The following TMEM45A variants were observed in gnomAD, a reference collection of about 807,000 sequenced individuals.
TMEM45A encodes the protein transmembrane protein 45A.
Under a neutral mutation model 32.0 loss-of-function variants are expected in TMEM45A, and 25 were observed. The observed-to-expected ratio is 0.78, with a 90% CI of 0.57 to 1.09. TMEM45A has a LOEUF of 1.09. TMEM45A is among the 50% of genes least tolerant of loss of function. TMEM45A has a pLI of 0.00. For missense variants in TMEM45A, 302 were observed against 325.0 expected (o/e 0.93, Z 0.54); for synonymous variants, 122 against 114.8 (o/e 1.06, Z -0.40).
At chr3:100,544,449 AATT>A (rs1705946143) in intron 1 of TMEM45A, among the ~76,000 whole-genome samples, 2 of 152,160 alleles carry the variant, frequency 1.3e-5, no homozygotes, top group African/African-American at 4.8e-5. Context: ...ATGGTTGTCT[AATT>A]ATTGTCACGA....
chr3:100,527,149 A>G (rs931872269), intron 1 of TMEM45A, among the ~76,000 whole-genome samples: 7 of 152,200 alleles, frequency 4.6e-5, no homozygotes, highest in African/African-American at 1.7e-4. Context: ...TTAGTCAACA[A>G]GAGAGGACTA....
chr3:100,523,453 C>T (rs1705475194), intron 1 of TMEM45A, among the ~76,000 whole-genome samples: 2 of 152,204 alleles, frequency 1.3e-5, no homozygotes, highest in South Asian at 4.1e-4. Flanking sequence ...AAGTCATAGT[C>T]TCTGCCTTTC....
At chr3:100,555,184 T>C (rs375776647) in intron 1 of TMEM45A, 25 bp from the exon 2 acceptor site, 57 of 1,570,582 alleles carry the variant, frequency 3.6e-5, no homozygotes, top group Non-Finnish European at 4.7e-5. Flanking sequence ...TGTCTTTTAC[T>C]TTCTGTGTGT....
At position 100,511,540 on chromosome 3, in the gene TMEM45A, C is replaced by T. The variant is rs1383915067; in HGVS notation, c.-4+18612C>T. On this transcript the variant is annotated intron_variant, in intron 1 of 5. Coordinates refer to ENST00000323523, the MANE Select transcript of TMEM45A (RefSeq NM_018004.3). ...AATCATGCCAAAATGTAAAGACCAA[C>T]GAGACTAGGAAGAAACTGCATGAAC... Among the ~76,000 whole-genome samples the T allele has an allele frequency of 4.6e-5, 7 of 152,120 alleles. No homozygotes were observed. In the South Asian group the frequency reaches 6.2e-4, roughly 14 times the overall value.
At chr3:100,511,218 A>G (rs1207254589) in intron 1 of TMEM45A, among the ~76,000 whole-genome samples, 1 of 152,218 alleles carries the variant, frequency 6.6e-6, no homozygotes, top group African/African-American at 2.4e-5. Context: ...AAGGGCAGCC[A>G]GAGAGAAAGG....
rs1190438042 is a variant in TMEM45A at position 100,539,462 on chromosome 3, T to TATGCATATGCATATGC, written c.-3-15745_-3-15744insGCATATGCATATGCAT. ...GTATATGTATATGTATATGTATATG[T>TATGCATATGCATATGC]ATATGTATATGTATATGTATATGTA... On this transcript the variant is annotated intron_variant, in intron 1 of 5. Transcript: ENST00000323523. 2.3e-4 allele frequency among the ~76,000 whole-genome samples: 24 copies of TATGCATATGCATATGC among 106,332 alleles called. 1 individual carries two copies. The highest frequency in any genetic ancestry group is 3.7e-4 in the Non-Finnish European group (19 of 51,584). The allele number at this position is 106,332 out of a possible 152,430, so 69.8% of individuals were successfully genotyped here.
chr3:100,524,214 T>A (rs990777087), intron 1 of TMEM45A, among the ~76,000 whole-genome samples: 6 of 152,186 alleles, frequency 3.9e-5, no homozygotes, highest in African/African-American at 9.7e-5. Context: ...GCCTTCTCTA[T>A]CCTGCTTCTT....
intron 1 of TMEM45A, among the ~76,000 whole-genome samples, chr3:100,547,829 T>G (rs1366619931): frequency 7.9e-5 from 12 of 152,190 alleles, no homozygotes; most frequent in Admixed American, 7.9e-4. Context: ...AATCCAGACT[T>G]CTATTTACTT....
rs60949259 is a variant in TMEM45A, at chr3:100,496,886, G to T, written c.-4+3958G>T. Among the ~76,000 whole-genome samples the T allele has an allele frequency of 8.6e-3, 1,304 of 152,314 alleles. 22 individuals carry two copies. Among genetic ancestry groups the T allele is most frequent in the African/African-American group, 0.03 (1,241 of 41,568 alleles). ...AATGTCCCAAGACTTGTGGGAAAAT[G>T]GGTCAGATGCCAGGTAAACATTCTA... On this transcript the variant is annotated intron_variant, in intron 1 of 5. Transcript: ENST00000323523.
intron 1 of TMEM45A, among the ~76,000 whole-genome samples, chr3:100,532,422 C>T (rs1705663255): frequency 6.6e-6 from 1 of 152,194 alleles, no homozygotes; most frequent in Admixed American, 6.5e-5. Context: ...GCTTTTCCGG[C>T]TTTAATGTAC....
chr3:100,532,436 A>G (rs528344433), intron 1 of TMEM45A, among the ~76,000 whole-genome samples: 1 of 152,340 alleles, frequency 6.6e-6, no homozygotes, highest in South Asian at 2.1e-4. Context: ...AATGTACTTA[A>G]CAGATCATTT....
chr3:100,535,027 T>C (rs6441318), intron 1 of TMEM45A, among the ~76,000 whole-genome samples: 70,248 of 151,614 alleles, frequency 0.46, 16,759 homozygotes, highest in African/African-American at 0.57. Flanking sequence ...CTCTCTATCA[T>C]GTTGTCCTGG....
chr3:100,492,755 T>TCTC lies in TMEM45A; in HGVS notation c.-176_-175insTCC, dbSNP rs1707864288. On this transcript the variant is annotated 5_prime_UTR_variant, in exon 1 of 6. Coordinates refer to ENST00000323523, the MANE Select transcript of TMEM45A (RefSeq NM_018004.3). ...CGACTAGGGACCCAAGTTTAAAAAT[T>TCTC]CCTCCCCCCACCCAATGCGAGACGT... 7.0e-6 allele frequency: 1 copy of TCTC among 143,524 alleles called. No individual in the cohort carries two copies. Among genetic ancestry groups the TCTC allele is most frequent in the African/African-American group, 2.7e-5 (1 of 36,838 alleles). 8.9% of individuals were successfully genotyped at this position (143,524 alleles called of 1,614,324 possible). A position where few individuals can be genotyped will look rare whatever the true frequency, so the allele number is the denominator to read the frequency against.
intron 1 of TMEM45A, among the ~76,000 whole-genome samples, chr3:100,520,171 G>T (rs1705408456): frequency 6.6e-6 from 1 of 152,170 alleles, no homozygotes; most frequent in African/African-American, 2.4e-5. Flanking sequence ...AAGGGAATGT[G>T]TTACAGGGTA....
intron 4 of TMEM45A, among the ~76,000 whole-genome samples, chr3:100,561,829 T>C (rs1425787237): frequency 1.3e-5 from 2 of 152,262 alleles, no homozygotes; most frequent in Non-Finnish European, 1.5e-5. Context: ...ATCTCCCAGC[T>C]CCACTAGTCC....
chr3:100,538,892 T>C (rs7653126), intron 1 of TMEM45A, among the ~76,000 whole-genome samples: 70,565 of 151,732 alleles, frequency 0.47, 16,941 homozygotes, highest in African/African-American at 0.57. Context: ...ATAAATTTAA[T>C]AAAATATATA....
At position 100,558,521 on chromosome 3, in the gene TMEM45A, C is replaced by G; in HGVS notation, c.520C>G (p.Arg174Gly). 1 of 1,614,092 alleles carries G rather than the reference C, an allele frequency of 6.2e-7. No individual in the cohort carries two copies. The highest frequency in any genetic ancestry group is 8.5e-7 in the Non-Finnish European group (1 of 1,180,008). The part of the protein sequence containing the change: ...GLVAFLEFLV[R>G]NNVLLELLRS... The stretch of plus-strand genomic sequence containing the variant: ...CGTTGCCTTCCTAGAGTTCCTTGTT[C>G]GGAACAATGTACTTCTGGAGCTATT... Residue 174 changes from arginine (R) to glycine (G), a missense_variant, in exon 4 of 6, where the codon CGG becomes GGG. By Grantham distance (125) the Arg-to-Gly change is moderately radical. Coordinates refer to ENST00000323523, the MANE Select transcript of TMEM45A (RefSeq NM_018004.3).
intron 5 of TMEM45A, among the ~76,000 whole-genome samples, chr3:100,575,044 A>T (rs987407981): frequency 7.2e-5 from 11 of 152,190 alleles, no homozygotes; most frequent in Non-Finnish European, 1.5e-4. Context: ...CATCAGAAAA[A>T]ATATAGCAGA....
intron 1 of TMEM45A, among the ~76,000 whole-genome samples, chr3:100,493,646 G>A (rs1372462803): frequency 6.6e-6 from 1 of 151,756 alleles, no homozygotes; most frequent in Non-Finnish European, 1.5e-5. Flanking sequence ...TACATGCTAT[G>A]TATACACTAT....
Sources: gnomAD v4.1 joint callset for allele counts (sites outside exome capture counted in the v4.1 genomes callset) on GRCh38, gnomAD v4.1.1 for gene constraint, MANE v1.5 for transcripts, NCBI Gene and HGNC (gene_info 2026-07-23, HGNC 2026-07-21) for gene names.